The following SRP19 variants were observed in gnomAD, a reference collection of about 807,000 sequenced individuals.
SRP19 encodes the protein signal recognition particle 19.
In SRP19, 11 loss-of-function variants were observed where a neutral mutation model predicts 22.4. The ratio of observed to expected loss-of-function variants is 0.49; its 90% CI spans 0.31 to 0.81. The LOEUF is 0.81. SRP19 is among the 40% of genes least tolerant of loss of function. SRP19 has a pLI of 0.05. For synonymous variants in SRP19, 61 were observed against 57.6 expected (o/e 1.06, Z -0.27); for missense variants, 168 against 175.9 (o/e 0.96, Z 0.25).
At chr5:112,865,022 T>G (rs1580714059) in intron 4 of SRP19, 1 of 227,122 alleles carries the variant, frequency 4.4e-6, no homozygotes, top group Non-Finnish European at 8.6e-6. Context: ...TATAAAATTA[T>G]TAAATCGTTG....
intron 4 of SRP19, among the ~76,000 whole-genome samples, chr5:112,876,033 CA>C (rs34238552): frequency 1.8e-4 from 26 of 143,484 alleles, no homozygotes; most frequent in Non-Finnish European, 1.8e-4. Flanking sequence ...GACTCCATCT[CA>C]AAAAAAAAAA....
At chr5:112,879,010 GA>G (rs1371647935) in intron 4 of SRP19, among the ~76,000 whole-genome samples, 1 of 151,980 alleles carries the variant, frequency 6.6e-6, no homozygotes, top group East Asian at 1.9e-4. Context: ...AGGAAATGGA[GA>G]AGGTACCTCT....
chr5:112,896,541 A>T (rs1768686153), downstream of SRP19: 1 of 152,128 alleles, frequency 6.6e-6, no homozygotes, highest in African/African-American at 2.4e-5. Context: ...AAAAAGAAAA[A>T]AGAAAAGAAA....
chr5:112,870,814 A>G (rs1377815328), downstream of SRP19, among the ~76,000 whole-genome samples: 2 of 152,188 alleles, frequency 1.3e-5, no homozygotes, highest in African/African-American at 4.8e-5. Flanking sequence ...GGGATCACAC[A>G]GCATCAAAGA....
downstream of SRP19, chr5:112,895,013 T>G (rs1768635356): frequency 6.7e-6 from 1 of 149,500 alleles, no homozygotes; most frequent in Non-Finnish European, 1.5e-5. Context: ...CCGAGGCAGG[T>G]GGATCACGAG....
At chr5:112,872,576 A>G (rs917251248), downstream of SRP19, among the ~76,000 whole-genome samples, 8 of 152,058 alleles carry the variant, frequency 5.3e-5, no homozygotes, top group African/African-American at 1.9e-4. Flanking sequence ...TGATCCGCAC[A>G]CCTTGGCCTC....
intron 4 of SRP19, chr5:112,877,898 T>C (rs929636852): frequency 6.6e-6 from 1 of 152,300 alleles, no homozygotes; most frequent in East Asian, 1.9e-4. Flanking sequence ...TTGTAGCATC[T>C]TGACAATAGA....
chr5:112,891,509 T>A, intron 4 of SRP19: 1 of 1,282,502 alleles, frequency 7.8e-7, no homozygotes, highest in Non-Finnish European at 1.1e-6. Flanking sequence ...TATATAAGTA[T>A]GCAAACAAAA....
intron 4 of SRP19, among the ~76,000 whole-genome samples, chr5:112,883,583 CTA>C (rs1395332067): frequency 6.6e-6 from 1 of 152,196 alleles, no homozygotes; most frequent in African/African-American, 2.4e-5. Context: ...TGTTTCCTAA[CTA>C]CACTACCTTC....
intron 4 of SRP19, among the ~76,000 whole-genome samples, chr5:112,886,099 T>G (rs79561862): frequency 6.6e-6 from 1 of 152,162 alleles, no homozygotes; most frequent in Non-Finnish European, 1.5e-5. Flanking sequence ...CTGGTTAGTG[T>G]CTAAGGAGTG....
chr5:112,874,268 C>T (rs747110594), downstream of SRP19, among the ~76,000 whole-genome samples: 57 of 152,144 alleles, frequency 3.7e-4, no homozygotes, highest in Non-Finnish European at 2.1e-4. Flanking sequence ...CTTGAAAGCC[C>T]AGGAGTTTGA....
chr5:112,867,650 G>T lies in SRP19; in HGVS notation c.*113G>T. 2.2e-6 allele frequency: 3 copies of T among 1,381,870 alleles called. No individual in the cohort carries two copies. Among genetic ancestry groups the T allele is most frequent in the Non-Finnish European group, 2.8e-6 (3 of 1,063,100 alleles). The allele number at this position is 1,381,870 out of a possible 1,614,324, so 85.6% of individuals were successfully genotyped here. On this transcript the variant is annotated 3_prime_UTR_variant, in exon 5 of 5. Coordinates refer to ENST00000505459, the MANE Select transcript of SRP19 (RefSeq NM_003135.3). ...TGTTTGCATCATTTAACTGAACTGT[G>T]AACCCTTGTGCCTCTCATCTTTATC...
chr5:112,895,592 G>C (rs1768658443), downstream of SRP19: 1 of 152,146 alleles, frequency 6.6e-6, no homozygotes, highest in Admixed American at 6.6e-5. Flanking sequence ...TCTAGCTATT[G>C]TCTTGAGACA....
chr5:112,878,647 A>C, intron 4 of SRP19: 6 of 1,254,838 alleles, frequency 4.8e-6, no homozygotes, highest in Non-Finnish European at 6.6e-6. Context: ...AAAGAAACTT[A>C]CAACACATTC....
intron 4 of SRP19, among the ~76,000 whole-genome samples, chr5:112,881,128 C>CAAAA (rs58737941): frequency 0.099 from 6,621 of 67,148 alleles, 760 homozygotes; most frequent in African/African-American, 0.15. Context: ...GACTCTGTTT[C>CAAAA]AAAAAAAAAA....
intron 4 of SRP19, among the ~76,000 whole-genome samples, chr5:112,880,173 G>T (rs1011608721): frequency 1.3e-5 from 2 of 152,130 alleles, no homozygotes; most frequent in Non-Finnish European, 2.9e-5. Context: ...AGCTTTGAGA[G>T]GCTGAGGTAG....
chr5:112,861,443 C>T (rs10477484), intron 1 of SRP19, 26 bp downstream of exon 1: 1 of 1,609,520 alleles, frequency 6.2e-7, no homozygotes, highest in East Asian at 2.2e-5. Flanking sequence ...GTGGGTCCTC[C>T]GAAAGGAAGG....
chr5:112,876,399 A>AATT (rs1767895986), intron 4 of SRP19: 1 of 152,212 alleles, frequency 6.6e-6, no homozygotes, highest in Non-Finnish European at 1.5e-5. Flanking sequence ...ATGAGAACTC[A>AATT]ATTTTATTTA....
At chr5:112,871,925 T>G (rs947673651), downstream of SRP19, among the ~76,000 whole-genome samples, 2 of 152,176 alleles carry the variant, frequency 1.3e-5, no homozygotes, top group African/African-American at 2.4e-5. Flanking sequence ...TTGAAGTGCT[T>G]TTCGTATTTA....
Sources: gnomAD v4.1 joint callset for allele counts (sites outside exome capture counted in the v4.1 genomes callset) on GRCh38, gnomAD v4.1.1 for gene constraint, MANE v1.5 for transcripts, NCBI Gene and HGNC (gene_info 2026-07-23, HGNC 2026-07-21) for gene names.